TAB1: variants seen among roughly 807,000 people sequenced by gnomAD.
TAB1 encodes TGF-beta activated kinase 1 (MAP3K7) binding protein 1, also known as TGF-beta-activated kinase 1 and MAP3K7-binding protein 1.
Under a neutral mutation model 54.5 loss-of-function variants are expected in TAB1, and 30 were observed. That is an observed-to-expected ratio of 0.55 (90% confidence interval 0.41 to 0.75). TAB1 has a LOEUF of 0.75. TAB1 is among the 30% of genes least tolerant of loss of function. TAB1 has a pLI of 0.00. For synonymous variants in TAB1, 289 were observed against 286.9 expected (o/e 1.01, Z -0.07); for missense variants, 609 against 683.2 (o/e 0.89, Z 1.21).
intron 1 of TAB1, among the ~76,000 whole-genome samples, chr22:39,406,130 A>G (rs1926350772): frequency 6.6e-6 from 1 of 152,180 alleles, no homozygotes; most frequent in Admixed American, 6.5e-5. Flanking sequence ...ACCAGGCTAT[A>G]GCACAATGGT....
chr22:39,415,779 G>A lies in TAB1; in HGVS notation c.324+126G>A. 7.8e-7 allele frequency: 1 copy of A among 1,283,862 alleles called. No homozygotes were observed. Among genetic ancestry groups the A allele is most frequent in the East Asian group, 2.6e-5 (1 of 39,164 alleles). The allele number at this position is 1,283,862 out of a possible 1,614,324, so 79.5% of individuals were successfully genotyped here. On this transcript the variant is annotated intron_variant, in intron 3 of 10. Coordinates refer to ENST00000216160, the MANE Select transcript of TAB1 (RefSeq NM_006116.3). This position sits in a 1 kb window ranked among gnomAD's most constrained non-coding sequence, Gnocchi z 4.9. ...TCCTGCCGGCCCCTTCACCCCAGTAGAGGAGCAGCTCCCAGCGTAGGCCCC... is the reference window on the plus strand; with the variant it reads ...TCCTGCCGGCCCCTTCACCCCAGTAAAGGAGCAGCTCCCAGCGTAGGCCCC...
At chr22:39,407,805 A>G (rs748905760) in intron 1 of TAB1, among the ~76,000 whole-genome samples, 1 of 152,102 alleles carries the variant, frequency 6.6e-6, no homozygotes, top group East Asian at 1.9e-4. Context: ...TATTTTTAGT[A>G]GAGACGGGTT....
chr22:39,416,898 C>T (rs1345073866), intron 4 of TAB1, 21 bp downstream of exon 4: 2 of 1,612,480 alleles, frequency 1.2e-6, no homozygotes, highest in Admixed American at 3.3e-5. Flanking sequence ...CAGCCGACAC[C>T]CAGGGGAGTC....
In TAB1 at chr22:39,417,516, G is replaced by C. The variant is rs554850261; in HGVS notation, c.412-195G>C. ...GCGCCTTGTAGTCCCAGCTACTCTC[G>C]AGGCTGAAGCAGGAGAATGGTGTGA... On this transcript the variant is annotated intron_variant, in intron 4 of 10. Coordinates refer to ENST00000216160, the MANE Select transcript of TAB1 (RefSeq NM_006116.3). Among the ~76,000 whole-genome samples the C allele has an allele frequency of 6.1e-4, 93 of 152,168 alleles. No homozygotes were observed. Among genetic ancestry groups the C allele is most frequent in the Non-Finnish European group, 1.0e-3 (69 of 67,988 alleles).
chr22:39,401,523 G>T (rs1013786927), intron 1 of TAB1, among the ~76,000 whole-genome samples: 2 of 152,150 alleles, frequency 1.3e-5, no homozygotes, highest in African/African-American at 4.8e-5. Context: ...AATGGTGCAG[G>T]CTGAGTTGGC....
At chr22:39,432,218 C>T (rs561896098), downstream of TAB1, among the ~76,000 whole-genome samples, 2 of 152,336 alleles carry the variant, frequency 1.3e-5, no homozygotes, top group South Asian at 4.1e-4. Flanking sequence ...TGAGAGTGAG[C>T]CTAGGGTCTT....
At chr22:39,435,279 T>C (rs2145690627), downstream of TAB1, among the ~76,000 whole-genome samples, 1 of 152,288 alleles carries the variant, frequency 6.6e-6, no homozygotes, top group African/African-American at 2.4e-5. Context: ...ACTCATCAAA[T>C]AAATTGATGC....
chr22:39,415,391 T>C lies in TAB1; in HGVS notation c.171-109T>C. The C allele has an allele frequency of 1.5e-6, 2 of 1,377,416 alleles. No individual in the cohort carries two copies. The highest frequency in any genetic ancestry group is 1.3e-5 in the South Asian group (1 of 76,476). 85.3% of individuals were successfully genotyped at this position (1,377,416 alleles called of 1,614,324 possible). A position where few individuals can be genotyped will look rare whatever the true frequency, so the allele number is the denominator to read the frequency against. On this transcript the variant is annotated intron_variant, in intron 2 of 10. Coordinates refer to ENST00000216160, the MANE Select transcript of TAB1 (RefSeq NM_006116.3). This position sits in a 1 kb window ranked among gnomAD's most constrained non-coding sequence, Gnocchi z 4.9. ...AAGCAGGGGGACCCAGGAGGGCCCC[T>C]GAAGCTGCAGCTGCTGTCGCTTTAG...
At chr22:39,436,524 A>G (rs760312285), downstream of TAB1, 11 of 1,614,036 alleles carry the variant, frequency 6.8e-6, no homozygotes, top group South Asian at 1.2e-4. Context: ...TTTGACAGCC[A>G]TCCCTCAGTG....
intron 1 of TAB1, 95 bp from the exon 2 acceptor site, chr22:39,414,911 G>A: frequency 6.9e-7 from 1 of 1,452,712 alleles, no homozygotes; most frequent in Non-Finnish European, 9.5e-7. Context: ...TAGGGCTGCG[G>A]GCCTGCTAGG....
At chr22:39,411,038 C>T (rs1926585627) in intron 1 of TAB1, among the ~76,000 whole-genome samples, 1 of 151,900 alleles carries the variant, frequency 6.6e-6, no homozygotes, top group South Asian at 2.1e-4. Flanking sequence ...TAGAAGTAGA[C>T]CCACACAATT....
At chr22:39,409,162 A>G (rs1249185050) in intron 1 of TAB1, among the ~76,000 whole-genome samples, 1 of 152,212 alleles carries the variant, frequency 6.6e-6, no homozygotes, top group Admixed American at 6.5e-5. Flanking sequence ...TTCTTTGGCC[A>G]TCTTTTCAGG....
downstream of TAB1, among the ~76,000 whole-genome samples, chr22:39,435,584 G>A (rs759936793): frequency 6.6e-6 from 1 of 152,232 alleles, no homozygotes; most frequent in African/African-American, 2.4e-5. Context: ...CTGGGAGACA[G>A]TTCAGCTCCG....
intron 8 of TAB1, among the ~76,000 whole-genome samples, chr22:39,425,930 T>A (rs1326751158): frequency 1.3e-5 from 2 of 150,656 alleles, no homozygotes; most frequent in East Asian, 2.0e-4. Context: ...TGGTCTCGGC[T>A]CCCTGCAACC....
intron 1 of TAB1, among the ~76,000 whole-genome samples, chr22:39,403,472 G>T (rs1237601950): frequency 1.3e-5 from 2 of 152,158 alleles, no homozygotes; most frequent in Non-Finnish European, 2.9e-5. Flanking sequence ...GAGTGCCTTG[G>T]GGGAGCTTGG....
In TAB1 at chr22:39,426,881, A is replaced by G. The variant is rs752570395; in HGVS notation, c.1100A>G (p.Tyr367Cys). 6.2e-7 allele frequency: 1 copy of G among 1,612,844 alleles called. No homozygotes were observed. Among genetic ancestry groups the G allele is most frequent in the East Asian group, 2.2e-5 (1 of 44,868 alleles). ...DMTLLVRNFGYPLGEMSQPTP... is the reference protein window; with the variant it reads ...DMTLLVRNFGCPLGEMSQPTP... ...ACCCTGCTAGTGAGGAACTTTGGCT[A>G]CCCGCTGGGCGAAATGAGCCAGCCC... is the stretch of plus-strand genomic sequence containing the variant. The change falls in exon 9 of 11, where the codon TAC becomes TGC. Residue 367 changes from tyrosine (Y) to cysteine (C), a missense_variant. Transcript: ENST00000216160.
chr22:39,402,060 G>C (rs954570327), intron 1 of TAB1, among the ~76,000 whole-genome samples: 4 of 152,302 alleles, frequency 2.6e-5, no homozygotes, highest in Middle Eastern at 3.4e-3. Context: ...TGTGTCAAGA[G>C]CCCTGGGCAG....
downstream of TAB1, chr22:39,433,927 T>G: frequency 1.7e-6 from 1 of 586,626 alleles, no homozygotes; most frequent in Non-Finnish European, 2.1e-6. Context: ...CATGGGTCAC[T>G]CACTCTCAGC....
intron 1 of TAB1, among the ~76,000 whole-genome samples, chr22:39,410,891 A>G (rs1049415537): frequency 6.6e-6 from 1 of 152,248 alleles, no homozygotes; most frequent in African/African-American, 2.4e-5. Context: ...CAAATAGCCA[A>G]AACAATTTTG....
Sources: allele counts gnomAD v4.1 joint callset (sites outside exome capture counted in the v4.1 genomes callset), GRCh38; gene constraint gnomAD v4.1.1; non-coding constraint Gnocchi (gnomAD v3.1); transcripts MANE v1.5; gene names NCBI Gene and HGNC (gene_info 2026-07-23, HGNC 2026-07-21).